The following ARHGAP35 variants were observed in gnomAD, a reference collection of about 807,000 sequenced individuals.
ARHGAP35 encodes the protein rho GTPase-activating protein 35.
ARHGAP35 carries 15 observed loss-of-function variants against 111.1 expected under a neutral mutation model. The ratio of observed to expected loss-of-function variants is 0.13; its 90% confidence interval spans 0.09 to 0.21. The LOEUF is 0.21. Among genes scored for constraint, ARHGAP35 ranks in the 10% least tolerant of loss-of-function variants. The pLI is 1.00. For missense variants in ARHGAP35, 1,262 were observed against 1,873.0 expected, an observed-to-expected ratio of 0.67 and a Z score of 6.02; for synonymous variants, 643 against 710.3, an observed-to-expected ratio of 0.91 and a Z score of 1.51.
chr19:46,973,853 T>A (rs2056565706), intron 3 of ARHGAP35, among the ~76,000 whole-genome samples: 1 of 151,628 alleles, frequency 6.6e-6, no homozygotes, highest in African/African-American at 2.4e-5. Flanking sequence ...AATACAAAAA[T>A]TAGCCGAGCA....
chr19:46,902,352 A>G (rs1183021983), intron 1 of ARHGAP35, among the ~76,000 whole-genome samples: 1 of 152,180 alleles, frequency 6.6e-6, no homozygotes, highest in African/African-American at 2.4e-5. Context: ...AAATCAAATG[A>G]TCTTTAATTA....
chr19:46,904,866 C>T (rs1005139947), intron 1 of ARHGAP35, among the ~76,000 whole-genome samples: 1 of 152,190 alleles, frequency 6.6e-6, no homozygotes, highest in African/African-American at 2.4e-5. Flanking sequence ...GGACCCTCCA[C>T]AGACTTGCCC....
intron 1 of ARHGAP35, among the ~76,000 whole-genome samples, chr19:46,883,043 ACTC>A (rs1185225992): frequency 2.0e-5 from 3 of 150,510 alleles, no homozygotes; most frequent in African/African-American, 4.9e-5. Context: ...GGGACATGTG[ACTC>A]CTCCTTTCAC....
intron 3 of ARHGAP35, among the ~76,000 whole-genome samples, chr19:46,941,963 GA>G (rs996304843): frequency 6.9e-6 from 1 of 145,840 alleles, no homozygotes; most frequent in Non-Finnish European, 1.5e-5. Flanking sequence ...CTTTCTTCAA[GA>G]AAAAAATGAC....
At chr19:46,902,211 C>A (rs1383937129) in intron 1 of ARHGAP35, among the ~76,000 whole-genome samples, 1 of 152,134 alleles carries the variant, frequency 6.6e-6, no homozygotes, top group African/African-American at 2.4e-5. Context: ...TGCCACCTGA[C>A]ATGTTAGTTG....
intron 2 of ARHGAP35, among the ~76,000 whole-genome samples, chr19:46,932,515 C>T (rs1336483715): frequency 1.3e-5 from 2 of 152,190 alleles, no homozygotes; most frequent in Non-Finnish European, 2.9e-5. Flanking sequence ...AGATATCTGG[C>T]AGGCCACTCA....
At chr19:46,934,609 C>T (rs1012522586) in intron 2 of ARHGAP35, among the ~76,000 whole-genome samples, 4 of 150,866 alleles carry the variant, frequency 2.7e-5, no homozygotes, top group Non-Finnish European at 5.9e-5. Context: ...TCAGGTGATC[C>T]GCCCGCCTTG....
chr19:46,930,930 TA>T (rs919683478), intron 2 of ARHGAP35, among the ~76,000 whole-genome samples: 3 of 150,176 alleles, frequency 2.0e-5, no homozygotes, highest in Non-Finnish European at 3.0e-5. Flanking sequence ...ATAAATTCAT[TA>T]AAAAAAAACA....
chr19:46,919,911 A>G lies in ARHGAP35; in HGVS notation c.1236A>G (p.Ala412=), dbSNP rs1175148048. Reference sequence around the variant, plus strand: ...TTGATTTAATGGATACCGTCCCTGCAGAGCAGCTATACGAGGCCCACTTAG... The same window carrying G: ...TTGATTTAATGGATACCGTCCCTGCGGAGCAGCTATACGAGGCCCACTTAG... ...IPFDLMDTVP[A]EQLYEAHLEK... is the part of the protein sequence containing the mutation. Residue 412 remains alanine, a synonymous_variant, in exon 2 of 7, where the codon GCA becomes GCG. Transcript: ENST00000672722. The surrounding 1 kb of genome is among the most constrained non-coding windows in gnomAD (Gnocchi z 6.2). The G allele has an allele frequency of 3.1e-6, 5 of 1,614,040 alleles. No individual in the cohort carries two copies. The highest frequency in any genetic ancestry group is 4.2e-6 in the Non-Finnish European group (5 of 1,179,894).
chr19:46,944,209 G>A (rs538287979), intron 3 of ARHGAP35, among the ~76,000 whole-genome samples: 49 of 151,818 alleles, frequency 3.2e-4, no homozygotes, highest in African/African-American at 1.2e-3. Flanking sequence ...TGAGGTAGGA[G>A]GATCGCTTGA....
At chr19:46,965,763 G>T (rs564851901) in intron 3 of ARHGAP35, among the ~76,000 whole-genome samples, 151 of 152,294 alleles carry the variant, frequency 9.9e-4, no homozygotes, top group Admixed American at 4.1e-3. Flanking sequence ...GGGATTACAG[G>T]CGTGAACTGC....
At chr19:46,958,345 A>G (rs894341712) in intron 3 of ARHGAP35, among the ~76,000 whole-genome samples, 3 of 150,668 alleles carry the variant, frequency 2.0e-5, no homozygotes, top group Non-Finnish European at 3.0e-5. Context: ...AGATCGCACC[A>G]CTGCACTCCA....
chr19:46,939,046 T>C (rs1386477839), intron 3 of ARHGAP35, among the ~76,000 whole-genome samples: 1 of 152,206 alleles, frequency 6.6e-6, no homozygotes, highest in African/African-American at 2.4e-5. Flanking sequence ...CCCCCCAGGC[T>C]TGAATCTCAG....
At chr19:46,882,745 A>C (rs563204345) in intron 1 of ARHGAP35, among the ~76,000 whole-genome samples, 1 of 152,224 alleles carries the variant, frequency 6.6e-6, no homozygotes, top group East Asian at 1.9e-4. Context: ...GAGTGAGAAC[A>C]TGCAGTGTTT....
chr19:46,866,334 C>T (rs1201763142), intron 1 of ARHGAP35, among the ~76,000 whole-genome samples: 1 of 152,140 alleles, frequency 6.6e-6, no homozygotes, highest in East Asian at 1.9e-4. Flanking sequence ...AAAATCAGCG[C>T]GTAGTCTAGC....
At chr19:46,864,477 C>T (rs550090421) in intron 1 of ARHGAP35, among the ~76,000 whole-genome samples, 1 of 152,270 alleles carries the variant, frequency 6.6e-6, no homozygotes, top group Admixed American at 6.5e-5. Context: ...ACTGGAAGGA[C>T]TTTCTTAACT....
At chr19:46,906,875 G>T (rs1196746365) in intron 1 of ARHGAP35, among the ~76,000 whole-genome samples, 1 of 152,138 alleles carries the variant, frequency 6.6e-6, no homozygotes, top group African/African-American at 2.4e-5. Flanking sequence ...GATCACATGA[G>T]CCCAGGAGTT....
intron 3 of ARHGAP35, among the ~76,000 whole-genome samples, chr19:46,967,910 C>G (rs2056524500): frequency 6.6e-6 from 1 of 151,556 alleles, no homozygotes; most frequent in Non-Finnish European, 1.5e-5. Flanking sequence ...GAGTCCTTCT[C>G]TGACCTGCTC....
chr19:46,950,979 A>G (rs998970598), intron 3 of ARHGAP35, among the ~76,000 whole-genome samples: 3 of 152,208 alleles, frequency 2.0e-5, no homozygotes, highest in Admixed American at 2.0e-4. Context: ...GCAAGTCAAG[A>G]AATGAGGCTC....
Sources: allele counts gnomAD v4.1 joint callset (sites outside exome capture counted in the v4.1 genomes callset), GRCh38; gene constraint gnomAD v4.1.1; non-coding constraint Gnocchi (gnomAD v3.1); transcripts MANE v1.5; gene names NCBI Gene and HGNC (gene_info 2026-07-23, HGNC 2026-07-21).